Variants in AFF1 observed in about 807,000 individuals in gnomAD.
AFF1 encodes the protein AF4/FMR2 family member 1.
Under a neutral mutation model 121.7 loss-of-function variants are expected in AFF1, and 48 were observed. The ratio of observed to expected loss-of-function variants is 0.39; its 90% CI spans 0.31 to 0.50. The LOEUF is 0.50. Ranked by LOEUF, AFF1 falls within the 20% of genes least tolerant of loss-of-function variation. The pLI, the probability that AFF1 is intolerant of heterozygous loss-of-function variation, is 0.76. For missense variants in AFF1, 1,523 were observed against 1,511.7 expected (o/e 1.01, Z -0.12); for synonymous variants, 613 against 563.0 (o/e 1.09, Z -1.26).
At chr4:86,961,326 C>T (rs762804394) in intron 2 of AFF1, among the ~76,000 whole-genome samples, 8 of 152,252 alleles carry the variant, frequency 5.3e-5, no homozygotes, top group Non-Finnish European at 8.8e-5. Context: ...CTTCCATCAC[C>T]GAACCCTCAA....
intron 2 of AFF1, among the ~76,000 whole-genome samples, chr4:86,966,801 T>TGAA (rs1722570043): frequency 1.3e-5 from 2 of 152,202 alleles, no homozygotes; most frequent in Non-Finnish European, 2.9e-5. Context: ...GAGACTTCCT[T>TGAA]ATATGGGGAA....
rs1159330831 is a variant in AFF1, at chr4:87,084,183, T to C, written c.1104+19T>C. The C allele has an allele frequency of 6.2e-7, 1 of 1,611,524 alleles. No homozygotes were observed. Among genetic ancestry groups the C allele is most frequent in the Non-Finnish European group, 8.5e-7 (1 of 1,177,850 alleles). The stretch of plus-strand genomic sequence containing the variant: ...TCTGAAGGTGAGTTCACTGTTAATC[T>C]TTCTCATTTGAAGAAATATTTAAGT... On this transcript the variant is annotated intron_variant, in intron 5 of 20. Coordinates refer to ENST00000395146, the MANE Select transcript of AFF1 (RefSeq NM_001166693.3).
At chr4:87,041,203 G>T (rs74563653) in intron 2 of AFF1, among the ~76,000 whole-genome samples, 1 of 152,016 alleles carries the variant, frequency 6.6e-6, no homozygotes, top group African/African-American at 2.4e-5. Flanking sequence ...GCTAGCTTTC[G>T]TTCAGTTGGA....
chr4:87,102,216 G>A (rs6821964), intron 8 of AFF1, among the ~76,000 whole-genome samples: 7,910 of 152,298 alleles, frequency 0.052, 708 homozygotes, highest in African/African-American at 0.18. Context: ...CAGTGTCAAA[G>A]TAGGTAATAC....
chr4:87,036,375 T>C (rs1255311072), intron 2 of AFF1, among the ~76,000 whole-genome samples: 2 of 152,240 alleles, frequency 1.3e-5, no homozygotes, highest in Non-Finnish European at 2.9e-5. Flanking sequence ...TAGCTGTAGA[T>C]TGCCAGACTT....
rs1724248042 is a variant in AFF1, at chr4:86,986,069, TTAATTTAATTTAATG to T, written c.38+37504_38+37518del. ...TTAATTTAATTTAATTTAATTTAAT[TTAATTTAATTTAATG>T]TAATTGGAGACCGAATCTCACTCTG... On this transcript the variant is annotated intron_variant, in intron 2 of 20. Coordinates refer to ENST00000395146, the MANE Select transcript of AFF1 (RefSeq NM_001166693.3). Among the ~76,000 whole-genome samples, 11 of 145,862 alleles carry T rather than the reference TTAATTTAATTTAATG, an allele frequency of 7.5e-5. No homozygotes were observed. In the South Asian group the frequency reaches 2.3e-3, roughly 31 times the overall value.
intron 2 of AFF1, among the ~76,000 whole-genome samples, chr4:86,981,896 A>G (rs4693797): frequency 0.95 from 144,030 of 152,280 alleles, 68,515 homozygotes; most frequent in Non-Finnish European, 1. Context: ...TTCAGTTTAT[A>G]CACAGACAGC....
At position 87,047,009 on chromosome 4, in the gene AFF1, C is replaced by T. The variant is rs549441433; in HGVS notation, c.474C>T (p.Cys158=). The part of the protein sequence containing the change: ...EPMPSLHAKS[C]GPPDSQHLTQ... ...TGCCAAGTCTCCATGCCAAAAGCTG[C>T]GGCCCACCGGACAGCCAGCACCTGA... Residue 158 remains cysteine, a synonymous_variant, in exon 4 of 21, where the codon TGC becomes TGT. Coordinates refer to ENST00000395146, the MANE Select transcript of AFF1 (RefSeq NM_001166693.3). 2.4e-5 allele frequency: 38 copies of T among 1,614,146 alleles called. No individual in the cohort carries two copies. The highest frequency in any genetic ancestry group is 8.3e-5 in the Admixed American group (5 of 60,016).
At chr4:87,020,171 A>G (rs942305059) in intron 2 of AFF1, among the ~76,000 whole-genome samples, 1 of 152,228 alleles carries the variant, frequency 6.6e-6, no homozygotes, top group African/African-American at 2.4e-5. Flanking sequence ...TTAATTACAT[A>G]AAGTTGCTTC....
At chr4:87,083,073 G>A (rs1276644071) in intron 4 of AFF1, among the ~76,000 whole-genome samples, 1 of 152,196 alleles carries the variant, frequency 6.6e-6, no homozygotes, top group Non-Finnish European at 1.5e-5. Context: ...TTGACACAGA[G>A]CAAGTTGCTA....
At chr4:87,000,605 CTGTG>C (rs57615388) in intron 2 of AFF1, among the ~76,000 whole-genome samples, 1,650 of 146,476 alleles carry the variant, frequency 0.011, 53 homozygotes, top group Admixed American at 0.067. Flanking sequence ...AAAATAAACT[CTGTG>C]TGTGTGTGTG....
intron 5 of AFF1, among the ~76,000 whole-genome samples, chr4:87,085,458 TAGAG>T (rs1204459259): frequency 6.6e-6 from 1 of 151,630 alleles, no homozygotes; most frequent in Non-Finnish European, 1.5e-5. Flanking sequence ...TTTTAATTAG[TAGAG>T]AGATGTATAT....
chr4:87,072,425 G>A (rs537475479), intron 4 of AFF1, among the ~76,000 whole-genome samples: 1 of 149,454 alleles, frequency 6.7e-6, no homozygotes, highest in African/African-American at 2.5e-5. Context: ...TTTTTTAAAC[G>A]ATTTTCTCCT....
At chr4:87,110,099 CT>C (rs1350854258) in intron 11 of AFF1, among the ~76,000 whole-genome samples, 5 of 152,020 alleles carry the variant, frequency 3.3e-5, no homozygotes, top group African/African-American at 1.2e-4. Context: ...AATGAGAATT[CT>C]TTTTCATTAA....
intron 2 of AFF1, among the ~76,000 whole-genome samples, chr4:86,995,889 ATCG>A (rs1725126808): frequency 8.1e-6 from 1 of 124,104 alleles, no homozygotes; most frequent in Non-Finnish European, 1.7e-5. Flanking sequence ...CCGGCCGCCC[ATCG>A]TCTGAGATGT....
chr4:87,111,446 C>T (rs574974119), intron 11 of AFF1, among the ~76,000 whole-genome samples: 16 of 151,302 alleles, frequency 1.1e-4, no homozygotes, highest in South Asian at 2.1e-4. Flanking sequence ...CTCTGCCTCC[C>T]GGGTTCAAGT....
At chr4:87,074,474 A>G (rs1265046813) in intron 4 of AFF1, among the ~76,000 whole-genome samples, 1 of 152,210 alleles carries the variant, frequency 6.6e-6, no homozygotes, top group Non-Finnish European at 1.5e-5. Flanking sequence ...GTGAATGGTA[A>G]TGGTTCATAG....
chr4:86,948,948 AG>A (rs1434828262), intron 2 of AFF1, among the ~76,000 whole-genome samples: 2 of 152,124 alleles, frequency 1.3e-5, no homozygotes, highest in East Asian at 3.9e-4. Flanking sequence ...GCTGTGAAGG[AG>A]GGAATTCCTT....
chr4:87,131,315 A>G lies in AFF1; in HGVS notation c.3101+96A>G. On this transcript the variant is annotated intron_variant, in intron 17 of 20. Transcript: ENST00000395146. ...TGAACCTTAGTGTGAAGATGGCTCA[A>G]TAAAGGGGAGCCTTAAAAAAGTTAT... is the stretch of plus-strand genomic sequence containing the variant. 5.4e-6 allele frequency: 8 copies of G among 1,481,670 alleles called. No individual in the cohort carries two copies. In the South Asian group the frequency reaches 7.8e-5, roughly 15 times the overall value. The allele number at this position is 1,481,670 out of a possible 1,614,324, so 91.8% of individuals were successfully genotyped here.
Sources: gnomAD v4.1 joint callset for allele counts (sites outside exome capture counted in the v4.1 genomes callset) on GRCh38, gnomAD v4.1.1 for gene constraint, MANE v1.5 for transcripts, NCBI Gene and HGNC (gene_info 2026-07-23, HGNC 2026-07-21) for gene names.